MOGAT1: variants seen among roughly 807,000 people sequenced by gnomAD.
The protein encoded by MOGAT1 is 2-acylglycerol O-acyltransferase 1.
MOGAT1 carries 32 observed loss-of-function variants against 31.4 expected under a neutral mutation model. The observed-to-expected ratio is 1.02, with a 90% CI of 0.77 to 1.37. The LOEUF (loss-of-function observed/expected upper bound fraction) is 1.37, where lower values mean the gene tolerates loss of function less well. MOGAT1 is among the 40% of genes most tolerant of loss of function. MOGAT1 has a pLI of 0.00. For synonymous variants in MOGAT1, 145 were observed against 144.5 expected (o/e 1.00, Z -0.03); for missense variants, 426 against 402.0 (o/e 1.06, Z -0.51).
rs1559234101 is a variant in MOGAT1, at chr2:222,701,572, A to AAAAGAAAGAAAAAG, written c.853+6296_853+6309dup. Reference sequence around the variant, plus strand: ...AAAAAAGAAAGAAAGAGAAAGAAAGAAAAGAAAGAAAAAGAAAGAAAGAAA... The same window carrying AAAAGAAAGAAAAAG: ...AAAAAAGAAAGAAAGAGAAAGAAAGAAAAGAAAGAAAAAGAAAGAAAGAAAAAGAAAGAAAGAAA... On this transcript the variant is annotated intron_variant, in intron 5 of 5. Transcript: ENST00000446656. Among the ~76,000 whole-genome samples the AAAAGAAAGAAAAAG allele has an allele frequency of 2.0e-4, 26 of 129,404 alleles. 1 individual carries two copies. Among genetic ancestry groups the AAAAGAAAGAAAAAG allele is most frequent in the African/African-American group, 6.5e-4 (20 of 30,772 alleles). 84.9% of individuals were successfully genotyped at this position (129,404 alleles called of 152,430 possible).
chr2:222,685,525 T>C (rs560022972), intron 1 of MOGAT1, among the ~76,000 whole-genome samples: 1 of 152,046 alleles, frequency 6.6e-6, no homozygotes, highest in East Asian at 1.9e-4. Context: ...ATTAAAGAGA[T>C]ATGCAGCATG....
At position 222,709,781 on chromosome 2, in the gene MOGAT1, A is replaced by ACCC. The variant is rs1693086673; in HGVS notation, c.899_900insCCC (p.Glu300delinsAspPro). The ACCC allele has an allele frequency of 6.2e-7, 1 of 1,613,472 alleles. No homozygotes were observed. The highest frequency in any genetic ancestry group is 1.3e-5 in the African/African-American group (1 of 74,908). On this transcript the variant is annotated protein_altering_variant, in exon 6 of 6. Transcript: ENST00000446656. ...CGTCAGACTCTGAACCCGACCCAGG[A>ACCC]GCAGATTGAGGAGTTACATCAGACC...
chr2:222,698,420 G>A (rs1237926375), intron 5 of MOGAT1, among the ~76,000 whole-genome samples: 1 of 152,188 alleles, frequency 6.6e-6, no homozygotes, highest in African/African-American at 2.4e-5. Flanking sequence ...CATATAAACA[G>A]GACTTCTTGT....
At chr2:222,699,232 G>A (rs1230261377) in intron 5 of MOGAT1, 11 of 152,198 alleles carry the variant, frequency 7.2e-5, no homozygotes, top group Non-Finnish European at 1.3e-4. Context: ...TCGATCTCTT[G>A]ACCTCGTGAT....
chr2:222,685,536 T>C (rs1426251708), intron 1 of MOGAT1, among the ~76,000 whole-genome samples: 1 of 151,770 alleles, frequency 6.6e-6, no homozygotes, highest in Admixed American at 6.6e-5. Context: ...ATGCAGCATG[T>C]ATAGAAAATA....
At chr2:222,688,955 G>A (rs900747367) in intron 2 of MOGAT1, among the ~76,000 whole-genome samples, 10 of 152,176 alleles carry the variant, frequency 6.6e-5, no homozygotes, top group East Asian at 5.8e-4. Flanking sequence ...ACACCGTTGC[G>A]TTGGGGATTA....
At chr2:222,704,439 A>G (rs1390678167) in intron 5 of MOGAT1, among the ~76,000 whole-genome samples, 7 of 151,922 alleles carry the variant, frequency 4.6e-5, no homozygotes, top group Admixed American at 4.6e-4. Flanking sequence ...CCTGGCTAAC[A>G]CGGTGAAACC....
At chr2:222,689,210 G>A in intron 2 of MOGAT1, 55 bp from the exon 3 acceptor site, 1 of 1,417,164 alleles carries the variant, frequency 7.1e-7, no homozygotes, top group Non-Finnish European at 9.5e-7. Context: ...TTTCTCATTG[G>A]AAAATAATAA....
chr2:222,681,995 G>A (rs55918636), intron 1 of MOGAT1, among the ~76,000 whole-genome samples: 14 of 152,280 alleles, frequency 9.2e-5, no homozygotes, highest in East Asian at 5.8e-4. Flanking sequence ...TGTTTGTTAC[G>A]AGGGTAATTG....
At chr2:222,678,903 T>C (rs971716101) in intron 1 of MOGAT1, among the ~76,000 whole-genome samples, 1 of 152,180 alleles carries the variant, frequency 6.6e-6, no homozygotes, top group Non-Finnish European at 1.5e-5. Context: ...ATCGTGCCAT[T>C]GCACTCCAGC....
chr2:222,696,785 T>C (rs141776350), intron 5 of MOGAT1, among the ~76,000 whole-genome samples: 5 of 152,234 alleles, frequency 3.3e-5, no homozygotes, highest in African/African-American at 4.8e-5. Context: ...CACACCTGTA[T>C]TCCTAGCACT....
intron 5 of MOGAT1, among the ~76,000 whole-genome samples, chr2:222,706,049 T>C (rs973360886): frequency 6.6e-6 from 1 of 152,224 alleles, no homozygotes; most frequent in Admixed American, 6.5e-5. Context: ...TGGGTTTAAG[T>C]CGTATTAATT....
intron 1 of MOGAT1, among the ~76,000 whole-genome samples, chr2:222,686,915 C>T (rs1692677970): frequency 6.6e-6 from 1 of 151,824 alleles, no homozygotes; most frequent in Admixed American, 6.6e-5. Context: ...GAGTTTGAGA[C>T]CAGCCTGGCC....
At chr2:222,675,503 G>A (rs1402271887) in intron 1 of MOGAT1, among the ~76,000 whole-genome samples, 6 of 137,346 alleles carry the variant, frequency 4.4e-5, no homozygotes, top group Non-Finnish European at 9.3e-5. Context: ...TTTTTGAGAC[G>A]GAGTCTCACT....
chr2:222,701,527 AAG>A (rs1559234028), intron 5 of MOGAT1, among the ~76,000 whole-genome samples: 1 of 103,904 alleles, frequency 9.6e-6, no homozygotes, highest in East Asian at 2.0e-4. Flanking sequence ...AGGGAAAAGA[AAG>A]AAAGAGAAAG....
At chr2:222,693,628 G>T (rs753259241) in intron 3 of MOGAT1, among the ~76,000 whole-genome samples, 1 of 151,942 alleles carries the variant, frequency 6.6e-6, no homozygotes, top group East Asian at 1.9e-4. Context: ...CATGGGTGGC[G>T]GCAGGCAAGG....
intron 5 of MOGAT1, among the ~76,000 whole-genome samples, chr2:222,695,764 A>T (rs1330846590): frequency 2.0e-5 from 3 of 149,262 alleles, no homozygotes; most frequent in Non-Finnish European, 4.5e-5. Context: ...CTATAGACTT[A>T]TTTTTTTTTT....
At position 222,689,415 on chromosome 2, in the gene MOGAT1, G is replaced by C. The variant is rs114230367; in HGVS notation, c.424G>C (p.Val142Leu). The C allele has an allele frequency of 0.036, 57,984 of 1,612,932 alleles. 1,191 individuals carry two copies. Among genetic ancestry groups the C allele is most frequent in the South Asian group, 0.045 (4,066 of 91,022 alleles). The change falls in exon 3 of 6, where the codon GTG becomes CTG. Residue 142 changes from valine to leucine, a missense_variant. Coordinates refer to ENST00000446656, the MANE Select transcript of MOGAT1 (RefSeq NM_058165.3). ...LFPGFTSYLH[V>L]LPLWFWCPVF... Reference sequence around the variant, plus strand: ...TCCTGGCTTTACTTCATATCTTCACGTGCTGCCACTTTGGTTCTGGTGTCC... The same window carrying C: ...TCCTGGCTTTACTTCATATCTTCACCTGCTGCCACTTTGGTTCTGGTGTCC...
intron 1 of MOGAT1, among the ~76,000 whole-genome samples, chr2:222,686,462 C>T (rs891956068): frequency 6.6e-6 from 1 of 152,138 alleles, no homozygotes; most frequent in African/African-American, 2.4e-5. Flanking sequence ...AGAATGAGGC[C>T]CACATGTTTC....
Sources: gnomAD v4.1 joint callset for allele counts (sites outside exome capture counted in the v4.1 genomes callset) on GRCh38, gnomAD v4.1.1 for gene constraint, MANE v1.5 for transcripts, NCBI Gene and HGNC (gene_info 2026-07-23, HGNC 2026-07-21) for gene names.